The following ZMAT4 variants were observed in gnomAD, a reference collection of about 807,000 sequenced individuals.
The protein encoded by ZMAT4 is zinc finger matrin-type 4, also known as zinc finger matrin-type protein 4.
Under a neutral mutation model 28.7 loss-of-function variants are expected in ZMAT4, and 17 were observed. That is an observed-to-expected ratio of 0.59 (90% CI 0.41 to 0.89). The LOEUF is 0.89. Ranked by LOEUF, ZMAT4 falls within the 40% of genes least tolerant of loss-of-function variation. ZMAT4 has a pLI of 0.00. For synonymous variants in ZMAT4, 117 were observed against 109.2 expected (o/e 1.07, Z -0.44); for missense variants, 240 against 283.8 (o/e 0.85, Z 1.11).
intron 3 of ZMAT4, among the ~76,000 whole-genome samples, chr8:40,733,144 T>C (rs779512248): frequency 2.8e-4 from 43 of 152,100 alleles, no homozygotes; most frequent in Non-Finnish European, 5.7e-4. Context: ...CTGACCTCCA[T>C]ACTTTTAACT....
At chr8:40,637,973 A>G (rs1248318877) in intron 5 of ZMAT4, among the ~76,000 whole-genome samples, 3 of 152,226 alleles carry the variant, frequency 2.0e-5, no homozygotes, top group African/African-American at 7.2e-5. Context: ...GACAAATGCC[A>G]CATGATGTCA....
chr8:40,645,554 T>C (rs1807262673), intron 5 of ZMAT4, among the ~76,000 whole-genome samples: 1 of 152,142 alleles, frequency 6.6e-6, no homozygotes, highest in Non-Finnish European at 1.5e-5. Context: ...AGAGAAACTT[T>C]ATGTCCAGCC....
At chr8:40,588,509 A>G (rs1804745830) in intron 5 of ZMAT4, among the ~76,000 whole-genome samples, 2 of 152,164 alleles carry the variant, frequency 1.3e-5, no homozygotes, top group Admixed American at 1.3e-4. Context: ...ATGACCAATA[A>G]GCACATGAAA....
chr8:40,881,429 A>AAGAG lies in ZMAT4; in HGVS notation c.-5+16250_-5+16253dup, dbSNP rs1206128785. ...GAGAAAGAAAGGAAGAAAAAGAAGA[A>AAGAG]AGAGAGAAAGAAAGAAAGAAAGAAA... On this transcript the variant is annotated intron_variant, in intron 1 of 6. Coordinates refer to ENST00000297737, the MANE Select transcript of ZMAT4 (RefSeq NM_024645.3). Among the ~76,000 whole-genome samples, 205 of 120,096 alleles carry AAGAG rather than the reference A, an allele frequency of 1.7e-3. 5 individuals are homozygous for AAGAG. Among genetic ancestry groups the AAGAG allele is most frequent in the African/African-American group, 6.6e-3 (190 of 28,776 alleles). The allele number at this position is 120,096 out of a possible 152,430, so 78.8% of individuals were successfully genotyped here. A position where few individuals can be genotyped will look rare whatever the true frequency, so the allele number is the denominator to read the frequency against.
intron 5 of ZMAT4, among the ~76,000 whole-genome samples, chr8:40,673,021 T>C (rs768426847): frequency 1.3e-5 from 2 of 152,192 alleles, no homozygotes; most frequent in Non-Finnish European, 2.9e-5. Context: ...TTTAATCAGG[T>C]CTTTTGGAAA....
chr8:40,737,177 T>C (rs1052761150), intron 3 of ZMAT4, among the ~76,000 whole-genome samples: 12 of 151,738 alleles, frequency 7.9e-5, no homozygotes, highest in African/African-American at 2.9e-4. Context: ...CAACACAAAT[T>C]TGTAAACTTT....
chr8:40,542,785 G>T (rs1014770464), intron 6 of ZMAT4, among the ~76,000 whole-genome samples: 12 of 152,210 alleles, frequency 7.9e-5, no homozygotes, highest in African/African-American at 2.9e-4. Context: ...CTGTGGAAAA[G>T]AATGAAATGA....
rs185496639 is a variant in ZMAT4, at chr8:40,660,317, A to G, written c.577+14387T>C. 3.2e-4 allele frequency among the ~76,000 whole-genome samples: 48 copies of G among 152,334 alleles called. No homozygotes were observed. The East Asian group carries it at 8.5e-3, about 27-fold the overall frequency. On this transcript the variant is annotated intron_variant, in intron 5 of 6. Transcript: ENST00000297737. ...TTTTTAAGTTGAAGTGGCTTTTTCA[A>G]GATTTTAAAGGAAGTTTTCCTATTC...
At chr8:40,548,187 C>G (rs897489503) in intron 6 of ZMAT4, among the ~76,000 whole-genome samples, 2 of 152,074 alleles carry the variant, frequency 1.3e-5, no homozygotes, top group South Asian at 2.1e-4. Flanking sequence ...GGCCATGACA[C>G]AAGATCACAC....
At chr8:40,789,430 C>T (rs945614175) in intron 2 of ZMAT4, among the ~76,000 whole-genome samples, 2 of 151,908 alleles carry the variant, frequency 1.3e-5, no homozygotes, top group African/African-American at 2.4e-5. Flanking sequence ...ATCAAAATTG[C>T]AAAATGAAAG....
At chr8:40,616,968 G>C (rs1239808155) in intron 5 of ZMAT4, among the ~76,000 whole-genome samples, 1 of 150,976 alleles carries the variant, frequency 6.6e-6, no homozygotes, top group Non-Finnish European at 1.5e-5. Context: ...CCAGAGTGAA[G>C]AAGGACACAT....
At chr8:40,596,324 A>G (rs966154846) in intron 5 of ZMAT4, among the ~76,000 whole-genome samples, 2 of 152,228 alleles carry the variant, frequency 1.3e-5, no homozygotes, top group African/African-American at 4.8e-5. Context: ...TTTTGCTTCA[A>G]TAATAAATCA....
chr8:40,627,083 G>T (rs991353467), intron 5 of ZMAT4, among the ~76,000 whole-genome samples: 1 of 152,086 alleles, frequency 6.6e-6, no homozygotes, highest in Non-Finnish European at 1.5e-5. Flanking sequence ...CCTGAACTGT[G>T]CCTGGCCTAG....
rs2589904 is a variant in ZMAT4, at chr8:40,544,118, C to T, written c.675-11880G>A. Among the ~76,000 whole-genome samples the T allele has an allele frequency of 3.0e-3, 454 of 152,254 alleles. 2 individuals carry two copies. Among genetic ancestry groups the T allele is most frequent in the Middle Eastern group, 6.8e-3 (2 of 294 alleles). On this transcript the variant is annotated intron_variant, in intron 6 of 6. Transcript: ENST00000297737. The stretch of plus-strand genomic sequence containing the variant: ...GTCTATTTTCAACCTCACAACTCTG[C>T]CCTGGCCAGCACTAATGAACTTAGT...
intron 5 of ZMAT4, among the ~76,000 whole-genome samples, chr8:40,603,309 C>T (rs896488544): frequency 6.6e-6 from 1 of 152,144 alleles, no homozygotes; most frequent in Non-Finnish European, 1.5e-5. Flanking sequence ...CAGTACCATT[C>T]TGTTTTGGTG....
intron 3 of ZMAT4, among the ~76,000 whole-genome samples, chr8:40,744,446 T>G (rs1173792925): frequency 6.6e-6 from 1 of 152,194 alleles, no homozygotes; most frequent in East Asian, 1.9e-4. Context: ...ACCCTGCTCT[T>G]CAGCATCTTA....
rs779609818 is a variant in ZMAT4, at chr8:40,531,081, GA to G, written c.*1141del. The G allele has an allele frequency of 1.3e-5, 2 of 152,640 alleles. No homozygotes were observed. The highest frequency in any genetic ancestry group is 2.9e-5 in the Non-Finnish European group (2 of 68,122). The allele number at this position is 152,640 out of a possible 1,614,324, so 9.5% of individuals were successfully genotyped here. A position where few individuals can be genotyped will look rare whatever the true frequency, so the allele number is the denominator to read the frequency against. ...TGGTCCATGCAGGGCATCGTCAGTA[GA>G]AGCTCAACGTCCCACTTCGTAACCA... On this transcript the variant is annotated 3_prime_UTR_variant, in exon 7 of 7. Coordinates refer to ENST00000297737, the MANE Select transcript of ZMAT4 (RefSeq NM_024645.3).
intron 5 of ZMAT4, among the ~76,000 whole-genome samples, chr8:40,607,405 C>T (rs941602339): frequency 3.9e-5 from 6 of 152,092 alleles, no homozygotes; most frequent in East Asian, 1.9e-4. Flanking sequence ...ACTGGGATTA[C>T]AGGCATGAGC....
chr8:40,605,190 G>A (rs1805538093), intron 5 of ZMAT4, among the ~76,000 whole-genome samples: 1 of 151,898 alleles, frequency 6.6e-6, no homozygotes, highest in African/African-American at 2.4e-5. Context: ...TTAGTTCTGT[G>A]CTGACCTTTG....
Sources: gnomAD v4.1 joint callset for allele counts (sites outside exome capture counted in the v4.1 genomes callset) on GRCh38, gnomAD v4.1.1 for gene constraint, MANE v1.5 for transcripts, NCBI Gene and HGNC (gene_info 2026-07-23, HGNC 2026-07-21) for gene names.